Variants in GGA3 observed in about 807,000 individuals in gnomAD.
GGA3 encodes the protein golgi associated, gamma adaptin ear containing, ARF binding protein 3.
In GGA3, 57 loss-of-function variants were observed where a neutral mutation model predicts 77.5. The ratio of observed to expected loss-of-function variants is 0.74; its 90% CI spans 0.59 to 0.92. The LOEUF (loss-of-function observed/expected upper bound fraction) is 0.92, where lower values mean the gene tolerates loss of function less well. GGA3 is among the 40% of genes least tolerant of loss of function. The pLI, the probability that GGA3 is intolerant of heterozygous loss-of-function variation, is 0.00. For synonymous variants in GGA3, 416 were observed against 383.7 expected, an observed-to-expected ratio of 1.08 and a Z score of -0.98; for missense variants, 970 against 914.9, an observed-to-expected ratio of 1.06 and a Z score of -0.78.
At chr17:75,243,956 A>G (rs2076664657) in intron 4 of GGA3, among the ~76,000 whole-genome samples, 1 of 152,070 alleles carries the variant, frequency 6.6e-6, no homozygotes. Context: ...GACACCAGAG[A>G]CCATGCCCTC....
intron 1 of GGA3, among the ~76,000 whole-genome samples, chr17:75,259,926 G>A (rs1283226476): frequency 1.3e-5 from 2 of 152,130 alleles, no homozygotes; most frequent in Non-Finnish European, 2.9e-5. Flanking sequence ...AAGGTGGGAG[G>A]ATCACTTGAA....
chr17:75,248,981 G>A (rs1189747385), intron 1 of GGA3: 3 of 985,164 alleles, frequency 3.0e-6, no homozygotes, highest in Admixed American at 6.2e-5. Flanking sequence ...GTCGGGGCTC[G>A]GCCTCCCCGG....
Position 75,239,524 on chromosome 17 carries a change from G to C in GGA3, c.1631C>G (p.Thr544Ser). ...KPTTSPLIPTTTPARPLLPFS... is the reference protein window; with the variant it reads ...KPTTSPLIPTSTPARPLLPFS... ...GGGCAGGAGGGGCCTGGCTGGGGTGGTGGTGGGGATGAGAGGGGAGGTAGT... is the reference window on the plus strand; with the variant it reads ...GGGCAGGAGGGGCCTGGCTGGGGTGCTGGTGGGGATGAGAGGGGAGGTAGT... Residue 544 changes from threonine (T) to serine (S), a missense_variant, in exon 14 of 17, where the codon ACC (threonine) becomes AGC (serine). Thr to Ser is a moderately conservative substitution (Grantham distance 58). Transcript: ENST00000537686. 6.4e-7 allele frequency: 1 copy of C among 1,568,392 alleles called. No homozygotes were observed. The highest frequency in any genetic ancestry group is 1.4e-5 in the African/African-American group (1 of 73,368).
chr17:75,239,274 AC>A (rs994733304), intron 14 of GGA3, 100 bp downstream of exon 14: 53 of 1,110,972 alleles, frequency 4.8e-5, no homozygotes, highest in Non-Finnish European at 6.7e-5. Context: ...GCTTTAAGGG[AC>A]CCCCTGCAAA....
At chr17:75,245,650 G>A (rs373017938) in intron 3 of GGA3, among the ~76,000 whole-genome samples, 7 of 151,938 alleles carry the variant, frequency 4.6e-5, no homozygotes, top group African/African-American at 1.7e-4. Context: ...TCAGCCTCCC[G>A]AGGAGCTGGG....
At chr17:75,261,760 C>T (rs965453042), upstream of GGA3, 25 of 1,147,352 alleles carry the variant, frequency 2.2e-5, no homozygotes, top group Middle Eastern at 4.0e-4. Flanking sequence ...CCCTTTGGAC[C>T]CCGGAGTGAA....
intron 3 of GGA3, among the ~76,000 whole-genome samples, chr17:75,246,250 GC>G (rs1469132319): frequency 3.3e-5 from 5 of 152,200 alleles, no homozygotes; most frequent in Admixed American, 1.3e-4. Context: ...GCTTTCCTTA[GC>G]CCCTCTGCCT....
chr17:75,252,504 C>T (rs963132654), intron 1 of GGA3, among the ~76,000 whole-genome samples: 1 of 152,046 alleles, frequency 6.6e-6, no homozygotes, highest in Non-Finnish European at 1.5e-5. Flanking sequence ...TCTTGTGGTC[C>T]TTTCCTTCTC....
At chr17:75,242,604 G>A in intron 7 of GGA3, 131 bp from the exon 8 acceptor site, 1 of 1,080,908 alleles carries the variant, frequency 9.3e-7, no homozygotes, top group Non-Finnish European at 1.4e-6. Context: ...GGTGCCTGGG[G>A]CCCAGTCTAT....
At chr17:75,260,607 A>G (rs1362114972) in intron 1 of GGA3, among the ~76,000 whole-genome samples, 2 of 152,214 alleles carry the variant, frequency 1.3e-5, no homozygotes, top group Non-Finnish European at 2.9e-5. Flanking sequence ...AGATCCCGGA[A>G]GCAGTACTAA....
At chr17:75,242,958 A>T (rs1238915478) in intron 6 of GGA3, 47 bp from the exon 7 acceptor site, 1 of 1,528,724 alleles carries the variant, frequency 6.5e-7, no homozygotes, top group African/African-American at 1.4e-5. Context: ...CAGCACCCGT[A>T]CCCCAGGGAA....
rs900092054 is a variant in GGA3, at chr17:75,238,018, G to A, written c.*261C>T. 1.5e-5 allele frequency: 19 copies of A among 1,267,746 alleles called. No individual in the cohort carries two copies. The South Asian group carries it at 4.2e-4, about 28-fold the overall frequency. The allele number at this position is 1,267,746 out of a possible 1,614,324, so 78.5% of individuals were successfully genotyped here. On this transcript the variant is annotated 3_prime_UTR_variant, in exon 17 of 17. Transcript: ENST00000537686. ...GGGTCCATGTTCCCGGGACAGCAGTGAAGTCAGGGGCCACTCCGCACCCCT... is the reference window on the plus strand; with the variant it reads ...GGGTCCATGTTCCCGGGACAGCAGTAAAGTCAGGGGCCACTCCGCACCCCT...
rs77764468 is a variant in GGA3, at chr17:75,257,101, C to T, written c.40+4447G>A. Among the ~76,000 whole-genome samples, 396 of 152,186 alleles carry T rather than the reference C, an allele frequency of 2.6e-3. 3 individuals carry two copies. The highest frequency in any genetic ancestry group is 8.7e-3 in the African/African-American group (362 of 41,448). On this transcript the variant is annotated intron_variant, in intron 1 of 16. Coordinates refer to ENST00000537686, the MANE Select transcript of GGA3 (RefSeq NM_138619.4). Reference sequence around the variant, plus strand: ...GACTAAAGGTCTTTTAAAAACACTTCACCAAGCTCAGCCACCAACTTAAAA... The same window carrying T: ...GACTAAAGGTCTTTTAAAAACACTTTACCAAGCTCAGCCACCAACTTAAAA...
intron 2 of GGA3, 33 bp downstream of exon 2, chr17:75,246,679 C>T: frequency 6.3e-7 from 1 of 1,599,700 alleles, no homozygotes; most frequent in Non-Finnish European, 8.6e-7. Context: ...CAGTCCGCTC[C>T]CTCTCAGCTG....
chr17:75,250,491 G>T (rs2076923307), intron 1 of GGA3, among the ~76,000 whole-genome samples: 1 of 152,284 alleles, frequency 6.6e-6, no homozygotes. Flanking sequence ...GGCTGGATGC[G>T]GTGGCTCACG....
chr17:75,240,635 C>G, intron 11 of GGA3, 177 bp downstream of exon 11: 1 of 739,590 alleles, frequency 1.4e-6, no homozygotes, highest in East Asian at 2.7e-5. Context: ...CAGAGTCCAC[C>G]GGGAGGATGG....
rs375047152 is a variant in GGA3 at position 75,258,147 on chromosome 17, G to A, written c.40+3401C>T. On this transcript the variant is annotated intron_variant, in intron 1 of 16. Coordinates refer to ENST00000537686, the MANE Select transcript of GGA3 (RefSeq NM_138619.4). The stretch of plus-strand genomic sequence containing the variant: ...AACTTCACCGCCTATCCCAAAACCT[G>A]TAAGAACTAATGATAATCCACCACC... Among the ~76,000 whole-genome samples, 12 of 152,272 alleles carry A rather than the reference G, an allele frequency of 7.9e-5. No individual in the cohort carries two copies. In the East Asian group the frequency reaches 1.2e-3, roughly 15 times the overall value.
chr17:75,245,721 C>T (rs2076732434), intron 3 of GGA3, among the ~76,000 whole-genome samples: 1 of 152,046 alleles, frequency 6.6e-6, no homozygotes, highest in East Asian at 1.9e-4. Flanking sequence ...GACAATGTCT[C>T]ACTACGTTGC....
chr17:75,239,042 G>T lies in GGA3; in HGVS notation c.1822C>A (p.Arg608Ser). ...TCCTTGGCAAAGTGGAAGAGGATGC[G>T]GAAGCCGTTTTTATCGTAGGCTGTC... ...PVTAYDKNGF[R>S]ILFHFAKECP... is the part of the protein sequence containing the mutation. Residue 608 changes from arginine to serine, a missense_variant, in exon 15 of 17, where the codon CGC becomes AGC. Physicochemically the swap from Arg to Ser is moderately radical, Grantham distance 110. Coordinates refer to ENST00000537686, the MANE Select transcript of GGA3 (RefSeq NM_138619.4). 1 of 1,613,890 alleles carries T rather than the reference G, an allele frequency of 6.2e-7. No homozygotes were observed.
Sources: gnomAD v4.1 joint callset for allele counts (sites outside exome capture counted in the v4.1 genomes callset) on GRCh38, gnomAD v4.1.1 for gene constraint, MANE v1.5 for transcripts, NCBI Gene and HGNC (gene_info 2026-07-23, HGNC 2026-07-21) for gene names.